LMLN: variants seen among roughly 807,000 people sequenced by gnomAD.
LMLN encodes the protein leishmanolysin-like peptidase.
Under a neutral mutation model 92.3 loss-of-function variants are expected in LMLN, and 70 were observed. The ratio of observed to expected loss-of-function variants is 0.76; its 90% CI spans 0.63 to 0.92. The LOEUF (loss-of-function observed/expected upper bound fraction) is 0.92. Ranked by LOEUF, LMLN falls within the 40% of genes least tolerant of loss-of-function variation. LMLN has a pLI of 0.00. For synonymous variants in LMLN, 308 were observed against 296.2 expected (o/e 1.04, Z -0.41); for missense variants, 691 against 814.6 (o/e 0.85, Z 1.85).
exon 1 of LMLN, chr3:197,960,364 G>A (rs759839442): frequency 9.3e-6 from 15 of 1,613,846 alleles, no homozygotes; most frequent in Admixed American, 1.7e-5. Context: ...GGCGGGCTCC[G>A]GGCCAGCGCC....
chr3:197,991,863 C>CTTTT (rs34726731), intron 9 of LMLN, among the ~76,000 whole-genome samples: 46 of 135,828 alleles, frequency 3.4e-4, no homozygotes, highest in Admixed American at 7.3e-4. Flanking sequence ...TACTGAGCAA[C>CTTTT]TTTTTTTTTT....
exon 16 of LMLN, chr3:198,041,876 T>G (rs182343468): frequency 6.6e-6 from 1 of 152,350 alleles, no homozygotes; most frequent in Non-Finnish European, 1.5e-5. Flanking sequence ...TAGGTAGTAT[T>G]GTTTCTGAGC....
At chr3:198,024,513 C>G in intron 13 of LMLN, 145 bp from the exon 15 acceptor site, 1 of 702,896 alleles carries the variant, frequency 1.4e-6, no homozygotes, top group Middle Eastern at 4.2e-4. Flanking sequence ...CCGTGCCCAG[C>G]CTACCCTAAT....
At chr3:198,008,073 A>T (rs973751173) in intron 11 of LMLN, among the ~76,000 whole-genome samples, 6 of 152,164 alleles carry the variant, frequency 3.9e-5, no homozygotes, top group African/African-American at 1.2e-4. Context: ...GCATTCCTGG[A>T]GTAAACCCCA....
At chr3:197,977,847 C>A (rs544643067) in intron 5 of LMLN, among the ~76,000 whole-genome samples, 1 of 151,734 alleles carries the variant, frequency 6.6e-6, no homozygotes, top group South Asian at 2.1e-4. Flanking sequence ...CACGTTAAAT[C>A]TGGATACATA....
At chr3:198,007,453 T>A (rs78446321) in intron 11 of LMLN, among the ~76,000 whole-genome samples, 2,001 of 151,168 alleles carry the variant, frequency 0.013, 46 homozygotes, top group African/African-American at 0.045. Flanking sequence ...TTCATGGAAT[T>A]GCTTTTGTGC....
intron 8 of LMLN, among the ~76,000 whole-genome samples, chr3:197,986,997 G>A (rs1721728502): frequency 6.7e-6 from 1 of 149,468 alleles, no homozygotes; most frequent in Non-Finnish European, 1.5e-5. Flanking sequence ...CTGCAACCAT[G>A]CCCGGCTAAT....
chr3:197,999,130 T>C, intron 10 of LMLN, 136 bp from the exon 11 acceptor site: 1 of 664,520 alleles, frequency 1.5e-6, no homozygotes, highest in African/African-American at 1.8e-5. Flanking sequence ...GGTTTATGTA[T>C]TTCACCACTT....
intron 11 of LMLN, among the ~76,000 whole-genome samples, chr3:198,013,165 C>G (rs111232614): frequency 1.0e-4 from 11 of 105,546 alleles, no homozygotes; most frequent in Non-Finnish European, 2.0e-4. Context: ...TGACTTCTCT[C>G]CACCCTTTAG....
chr3:198,009,486 T>A (rs571626204), intron 11 of LMLN, among the ~76,000 whole-genome samples: 1 of 152,240 alleles, frequency 6.6e-6, no homozygotes, highest in Non-Finnish European at 1.5e-5. Flanking sequence ...CTTTATAAAA[T>A]GAACTAGGAA....
At chr3:197,996,462 A>G (rs1722020242) in intron 10 of LMLN, 180 bp downstream of exon 10, 3 of 442,942 alleles carry the variant, frequency 6.8e-6, no homozygotes, top group African/African-American at 4.1e-5. Context: ...ACTTTCATAA[A>G]TGTTATATAT....
intron 7 of LMLN, among the ~76,000 whole-genome samples, chr3:197,985,390 T>TACAC (rs142039210): frequency 0.12 from 17,060 of 142,324 alleles, 1,042 homozygotes; most frequent in African/African-American, 0.17. Context: ...TTTCATAATG[T>TACAC]ACACACACAC....
At chr3:198,001,932 C>T (rs1183111067) in intron 11 of LMLN, among the ~76,000 whole-genome samples, 2 of 152,002 alleles carry the variant, frequency 1.3e-5, no homozygotes, top group East Asian at 1.9e-4. Flanking sequence ...AGATTTCAGG[C>T]GTGAGCCACT....
intron 2 of LMLN, 81 bp downstream of exon 2, chr3:197,974,555 A>G: frequency 1.4e-6 from 1 of 706,976 alleles, no homozygotes; most frequent in East Asian, 3.2e-5. Flanking sequence ...CTGAAGTTCT[A>G]AGAATCCATA....
intron 9 of LMLN, among the ~76,000 whole-genome samples, chr3:197,991,203 A>G (rs116497996): frequency 0.03 from 4,548 of 150,940 alleles, 101 homozygotes; most frequent in Non-Finnish European, 0.044. Flanking sequence ...TCCTGCGCCA[A>G]AGTGATCCTC....
Position 198,019,227 on chromosome 3 carries a change from A to G in LMLN, c.1233-26A>G, listed in dbSNP as rs762172981. ...TGCAGTATTTTCTTTAAAGTTTGAT[A>G]CCATGGTACTTCTCTTTGTTTGCAG... On this transcript the variant is annotated intron_variant, in intron 11 of 15. Transcript: ENST00000330198. This position sits in a 1 kb window ranked among gnomAD's most constrained non-coding sequence, Gnocchi z 5.5. 1 of 1,591,244 alleles carries G rather than the reference A, an allele frequency of 6.3e-7. No individual in the cohort carries two copies. The highest frequency in any genetic ancestry group is 8.5e-7 in the Non-Finnish European group (1 of 1,172,064).
chr3:197,970,085 G>T (rs894858114), intron 1 of LMLN, among the ~76,000 whole-genome samples: 1 of 152,094 alleles, frequency 6.6e-6, no homozygotes, highest in African/African-American at 2.4e-5. Flanking sequence ...CCAGGAGGCG[G>T]AGGTTGCAGT....
At chr3:197,987,243 T>C (rs373869221) in intron 8 of LMLN, among the ~76,000 whole-genome samples, 1 of 149,338 alleles carries the variant, frequency 6.7e-6, no homozygotes, top group African/African-American at 2.5e-5. Flanking sequence ...CAGTGCCAGC[T>C]CCGCCTCCTG....
chr3:198,011,477 T>C (rs1241895674), intron 11 of LMLN, among the ~76,000 whole-genome samples: 2 of 152,030 alleles, frequency 1.3e-5, no homozygotes, highest in Non-Finnish European at 2.9e-5. Context: ...GGCTGCATAG[T>C]ATTCCATGGT....
Sources: gnomAD v4.1 joint callset for allele counts (sites outside exome capture counted in the v4.1 genomes callset) on GRCh38, gnomAD v4.1.1 for gene constraint, Gnocchi (gnomAD v3.1) non-coding constraint, MANE v1.5 for transcripts, NCBI Gene and HGNC (gene_info 2026-07-23, HGNC 2026-07-21) for gene names.